The following SFMBT2 variants were observed in gnomAD, a reference collection of about 807,000 sequenced individuals.
SFMBT2 encodes Scm like with four mbt domains 2, also known as scm-like with four MBT domains protein 2.
In SFMBT2, 38 loss-of-function variants were observed where a neutral mutation model predicts 110.1. The ratio of observed to expected loss-of-function variants is 0.35; its 90% confidence interval spans 0.27 to 0.45. The LOEUF is 0.45. SFMBT2 is among the 20% of genes least tolerant of loss of function. SFMBT2 has a pLI of 1.00. For synonymous variants in SFMBT2, 425 were observed against 425.4 expected (o/e 1.00, Z 0.01); for missense variants, 1,011 against 1,094.9 (o/e 0.92, Z 1.08).
chr10:7,282,879 CA>C (rs1841986831), intron 6 of SFMBT2, among the ~76,000 whole-genome samples: 1 of 21,640 alleles, frequency 4.6e-5, no homozygotes, highest in Non-Finnish European at 9.9e-5. Context: ...AATGAAGATT[CA>C]CCAATTTCTG....
intron 11 of SFMBT2, among the ~76,000 whole-genome samples, chr10:7,209,139 T>C (rs978995884): frequency 2.0e-5 from 3 of 152,228 alleles, no homozygotes; most frequent in Non-Finnish European, 4.4e-5. Context: ...CTGGCTGGAC[T>C]CAGACTAATT....
chr10:7,354,126 A>C (rs979823979), intron 4 of SFMBT2, among the ~76,000 whole-genome samples: 55 of 151,696 alleles, frequency 3.6e-4, no homozygotes, highest in Admixed American at 1.2e-3. Flanking sequence ...AAAATAAATA[A>C]ATAAAAATAT....
chr10:7,401,663 C>T (rs549081949), intron 1 of SFMBT2, among the ~76,000 whole-genome samples: 28 of 152,278 alleles, frequency 1.8e-4, no homozygotes, highest in Non-Finnish European at 3.5e-4. Flanking sequence ...TCAGGATCAA[C>T]CCTGATCTTC....
intron 11 of SFMBT2, among the ~76,000 whole-genome samples, chr10:7,216,373 CTGATGG>C (rs1229365890): frequency 5.3e-5 from 8 of 152,218 alleles, no homozygotes; most frequent in Non-Finnish European, 1.5e-5. Flanking sequence ...CTCACAAGAT[CTGATGG>C]TTTTAGAAGG....
At chr10:7,236,009 C>T (rs531507113) in intron 9 of SFMBT2, among the ~76,000 whole-genome samples, 1 of 152,182 alleles carries the variant, frequency 6.6e-6, no homozygotes, top group Admixed American at 6.5e-5. Flanking sequence ...TCAAGTATCA[C>T]AAAAGTCATA....
rs375357602 is a variant in SFMBT2 at position 7,287,165 on chromosome 10, C to T, written c.437-1211G>A. 4.7e-5 allele frequency among the ~76,000 whole-genome samples: 7 copies of T among 147,810 alleles called. No homozygotes were observed. In the East Asian group the frequency reaches 8.1e-4, roughly 17 times the overall value. On this transcript the variant is annotated intron_variant, in intron 4 of 20. Transcript: ENST00000397167. ...GCGGATCTCAGCTCACTGCAAGCTC[C>T]GCCTCCCAGGTTCACGCCATTCTCC...
chr10:7,311,740 T>A (rs1842863582), intron 4 of SFMBT2, among the ~76,000 whole-genome samples: 1 of 152,212 alleles, frequency 6.6e-6, no homozygotes, highest in Non-Finnish European at 1.5e-5. Flanking sequence ...ATAAAATACA[T>A]GAGCTAAATT....
At chr10:7,279,333 C>T (rs892488460) in intron 6 of SFMBT2, among the ~76,000 whole-genome samples, 28 of 152,222 alleles carry the variant, frequency 1.8e-4, no homozygotes, top group African/African-American at 6.5e-4. Flanking sequence ...GCCCAGGTGC[C>T]AGGTGGGTCC....
rs577163013 is a variant in SFMBT2 at position 7,380,990 on chromosome 10, A to T, written c.100+809T>A. ...CTTGGGCCCAAGAGGTCAAGGCTGCAGTGAGCCATGATTGCACCACCGTAC... is the reference window on the plus strand; with the variant it reads ...CTTGGGCCCAAGAGGTCAAGGCTGCTGTGAGCCATGATTGCACCACCGTAC... On this transcript the variant is annotated intron_variant, in intron 2 of 20. Coordinates refer to ENST00000397167, the MANE Select transcript of SFMBT2 (RefSeq NM_001387889.1). 2.6e-5 allele frequency among the ~76,000 whole-genome samples: 4 copies of T among 152,186 alleles called. No individual in the cohort carries two copies. In the East Asian group the frequency reaches 7.7e-4, roughly 29 times the overall value.
chr10:7,307,422 C>A (rs1351964592), intron 4 of SFMBT2, among the ~76,000 whole-genome samples: 2 of 152,112 alleles, frequency 1.3e-5, no homozygotes, highest in East Asian at 3.9e-4. Flanking sequence ...AGGGACCCTG[C>A]CATACAGATG....
intron 20 of SFMBT2, chr10:7,164,449 T>C: frequency 6.1e-6 from 6 of 985,052 alleles, no homozygotes; most frequent in Non-Finnish European, 6.0e-6. Flanking sequence ...CTGGCTACTC[T>C]GAAACTCACA....
chr10:7,210,915 T>A (rs1341184339), intron 11 of SFMBT2, among the ~76,000 whole-genome samples: 1 of 149,760 alleles, frequency 6.7e-6, no homozygotes, highest in Non-Finnish European at 1.5e-5. Flanking sequence ...ATTAGACGAG[T>A]ATGGGGGGGG....
chr10:7,387,103 G>A (rs1845629458), intron 1 of SFMBT2, among the ~76,000 whole-genome samples: 2 of 152,082 alleles, frequency 1.3e-5, no homozygotes, highest in Admixed American at 6.6e-5. Context: ...GTGGGGAAGG[G>A]GCAATGAAAA....
chr10:7,256,375 G>A (rs1588390229), intron 7 of SFMBT2, among the ~76,000 whole-genome samples: 1 of 152,336 alleles, frequency 6.6e-6, no homozygotes, highest in African/African-American at 2.4e-5. Context: ...CTATTGCTAA[G>A]TTAAAAAGTG....
rs1837870931 is a variant in SFMBT2, at chr10:7,171,517, C to T, written c.2415+378G>A. On this transcript the variant is annotated intron_variant, in intron 19 of 20. Coordinates refer to ENST00000397167, the MANE Select transcript of SFMBT2 (RefSeq NM_001387889.1). The surrounding 1 kb of genome is among the most constrained non-coding windows in gnomAD (Gnocchi z 4.9). ...ACACTGATTAAATATTTTAAAACATCACAGAGGTGTCCTATAGAGGGGACG... is the reference window on the plus strand; with the variant it reads ...ACACTGATTAAATATTTTAAAACATTACAGAGGTGTCCTATAGAGGGGACG... 1.0e-6 allele frequency: 1 copy of T among 985,370 alleles called. No individual in the cohort carries two copies. The highest frequency in any genetic ancestry group is 1.7e-5 in the African/African-American group (1 of 57,340). The allele number at this position is 985,370 out of a possible 1,614,324, so 61.0% of individuals were successfully genotyped here. A position where few individuals can be genotyped will look rare whatever the true frequency, so the allele number is the denominator to read the frequency against.
chr10:7,410,050 C>T (rs576004298), intron 1 of SFMBT2, among the ~76,000 whole-genome samples: 2 of 152,248 alleles, frequency 1.3e-5, no homozygotes, highest in East Asian at 3.9e-4. Flanking sequence ...AACATACACA[C>T]ACATACACAT....
chr10:7,297,586 G>A (rs1842438531), intron 4 of SFMBT2, among the ~76,000 whole-genome samples: 1 of 152,110 alleles, frequency 6.6e-6, no homozygotes, highest in South Asian at 2.1e-4. Context: ...CATCACGGGT[G>A]GGGGTAAAAT....
At chr10:7,404,272 G>A (rs1846155173) in intron 1 of SFMBT2, among the ~76,000 whole-genome samples, 2 of 152,184 alleles carry the variant, frequency 1.3e-5, no homozygotes, top group Admixed American at 1.3e-4. Context: ...ACAAGACTTT[G>A]TAGGAACCTA....
intron 11 of SFMBT2, chr10:7,206,820 AAC>A: frequency 1.0e-6 from 1 of 965,324 alleles, no homozygotes; most frequent in African/African-American, 1.8e-5. Context: ...TTAAGAAAAA[AAC>A]ACTTTGAACC....
Sources: gnomAD v4.1 joint callset for allele counts (sites outside exome capture counted in the v4.1 genomes callset) on GRCh38, gnomAD v4.1.1 for gene constraint, Gnocchi (gnomAD v3.1) non-coding constraint, MANE v1.5 for transcripts, NCBI Gene and HGNC (gene_info 2026-07-23, HGNC 2026-07-21) for gene names.